The following PSD2 variants were observed in gnomAD, a reference collection of about 807,000 sequenced individuals.
PSD2 encodes the protein pleckstrin and Sec7 domain containing 2, also known as PH and SEC7 domain-containing protein 2.
In PSD2, 38 loss-of-function variants were observed where a neutral mutation model predicts 69.8. That is an observed-to-expected ratio of 0.54 (90% CI 0.42 to 0.71). The LOEUF (loss-of-function observed/expected upper bound fraction) is 0.71, where lower values mean the gene tolerates loss of function less well. PSD2 is among the 30% of genes least tolerant of loss of function. PSD2 has a pLI of 0.00. For synonymous variants in PSD2, 412 were observed against 423.0 expected, an observed-to-expected ratio of 0.97 and a Z score of 0.32; for missense variants, 943 against 1,014.5, an observed-to-expected ratio of 0.93 and a Z score of 0.96.
chr5:139,759,715 A>G, the PSD2 span, among the ~76,000 whole-genome samples: 4 of 152,218 alleles, frequency 2.6e-5, no homozygotes. Flanking sequence ...GACAATAATC[A>G]TCTGCCCTAA....
the PSD2 span, among the ~76,000 whole-genome samples, chr5:139,752,509 GCA>G: frequency 6.6e-6 from 1 of 152,110 alleles, no homozygotes; most frequent in South Asian, 2.1e-4. Context: ...ACACACAAGT[GCA>G]CACACAGCAC....
chr5:139,833,792 G>T lies in PSD2; in HGVS notation c.1359+1G>T. On this transcript the variant is annotated splice_donor_variant, in intron 8 of 14. Coordinates refer to ENST00000274710, the MANE Select transcript of PSD2 (RefSeq NM_032289.4). LOFTEE classifies it high-confidence loss of function. ...AGACTTTGCCAAAGACCTGCTGAAGGTACTGTCTGCTGAGTGTCCCCATCC... is the reference window on the plus strand; with the variant it reads ...AGACTTTGCCAAAGACCTGCTGAAGTTACTGTCTGCTGAGTGTCCCCATCC... The T allele has an allele frequency of 6.2e-7, 1 of 1,610,902 alleles. No individual in the cohort carries two copies. Among genetic ancestry groups the T allele is most frequent in the Non-Finnish European group, 8.5e-7 (1 of 1,177,090 alleles).
upstream of PSD2, among the ~76,000 whole-genome samples, chr5:139,792,430 CT>C (rs1236701015): frequency 1.3e-5 from 2 of 152,166 alleles, no homozygotes; most frequent in Admixed American, 6.5e-5. Context: ...CTGGCCCCCC[CT>C]CCCCCCATAA....
chr5:139,774,296 G>A, the PSD2 span, among the ~76,000 whole-genome samples: 1 of 152,154 alleles, frequency 6.6e-6, no homozygotes, highest in South Asian at 2.1e-4. Flanking sequence ...AGCAGCCAGT[G>A]GTGGATCTGG....
the PSD2 span, among the ~76,000 whole-genome samples, chr5:139,766,970 T>TTTC: frequency 7.0e-6 from 1 of 142,720 alleles, no homozygotes; most frequent in Non-Finnish European, 1.5e-5. Context: ...TCTTTCTTTC[T>TTTC]TTCTTTCTTT....
Position 139,844,339 on chromosome 5 carries a change from T to C in PSD2, c.*1865T>C, listed in dbSNP as rs1760947243. The C allele has an allele frequency of 6.6e-6, 1 of 152,248 alleles. No homozygotes were observed. The allele number at this position is 152,248 out of a possible 1,614,324, so 9.4% of individuals were successfully genotyped here. On this transcript the variant is annotated 3_prime_UTR_variant, in exon 15 of 15. Coordinates refer to ENST00000274710, the MANE Select transcript of PSD2 (RefSeq NM_032289.4). ...AATGTTTAGTTCACTTCCTTAATTGTATAATTATTTATTTGTAAATTATAT... is the reference window on the plus strand; with the variant it reads ...AATGTTTAGTTCACTTCCTTAATTGCATAATTATTTATTTGTAAATTATAT...
intron 1 of PSD2, among the ~76,000 whole-genome samples, chr5:139,797,257 G>A (rs1759555246): frequency 6.6e-6 from 1 of 152,238 alleles, no homozygotes; most frequent in Admixed American, 6.5e-5. Flanking sequence ...GGGCTTTTGA[G>A]TGGGGCTACT....
In PSD2 at chr5:139,842,343, A is replaced by G; in HGVS notation, c.2185A>G (p.Ile729Val). ...IKVGSDDLER[I>V]EARLATLEGD... ...AGTGGGCTCAGATGATCTGGAGCGG[A>G]TTGAGGCCCGGCTGGCCACTCTGGA... is the stretch of plus-strand genomic sequence containing the variant. The change falls in exon 15 of 15, where the codon ATT (isoleucine) becomes GTT (valine). Residue 729 changes from isoleucine to valine, a missense_variant. Ile to Val is a conservative substitution (Grantham distance 29). Coordinates refer to ENST00000274710, the MANE Select transcript of PSD2 (RefSeq NM_032289.4). The G allele has an allele frequency of 6.2e-7, 1 of 1,614,172 alleles. No homozygotes were observed. Among genetic ancestry groups the G allele is most frequent in the Non-Finnish European group, 8.5e-7 (1 of 1,180,030 alleles).
the PSD2 span, among the ~76,000 whole-genome samples, chr5:139,770,246 G>A: frequency 6.6e-6 from 1 of 152,140 alleles, no homozygotes; most frequent in African/African-American, 2.4e-5. Flanking sequence ...GCAAGAAGAA[G>A]GCAATTGTGT....
Position 139,814,053 on chromosome 5 carries a change from T to C in PSD2, c.822-117T>C. On this transcript the variant is annotated intron_variant, in intron 3 of 14. Transcript: ENST00000274710. The surrounding 1 kb of genome is among the most constrained non-coding windows in gnomAD (Gnocchi z 4.4). ...TTCCCTCCGGCTGCAGTGGAGCTTC[T>C]TTCCCTGTTCTGGCCCCTACATGGT... The C allele has an allele frequency of 2.0e-6, 2 of 977,632 alleles. No homozygotes were observed. Among genetic ancestry groups the C allele is most frequent in the Middle Eastern group, 5.8e-4 (2 of 3,426 alleles). 60.6% of individuals were successfully genotyped at this position (977,632 alleles called of 1,614,324 possible). A position where few individuals can be genotyped will look rare whatever the true frequency, so the allele number is the denominator to read the frequency against.
chr5:139,751,376 G>C, the PSD2 span, among the ~76,000 whole-genome samples: 1 of 152,098 alleles, frequency 6.6e-6, no homozygotes, highest in Non-Finnish European at 1.5e-5. Context: ...CTGTGTGCTG[G>C]CCCTAGGGGC....
At chr5:139,763,072 G>A in the PSD2 span, among the ~76,000 whole-genome samples, 3 of 152,166 alleles carry the variant, frequency 2.0e-5, no homozygotes, top group Non-Finnish European at 4.4e-5. Context: ...GTGAGGGGGA[G>A]GTTAGGGGCC....
chr5:139,781,886 G>A, the PSD2 span, among the ~76,000 whole-genome samples: 3 of 152,070 alleles, frequency 2.0e-5, no homozygotes, highest in South Asian at 2.1e-4. Context: ...CGCCCACCTC[G>A]GCCTCCCAAA....
chr5:139,818,738 C>T (rs529166667), intron 5 of PSD2, among the ~76,000 whole-genome samples: 44 of 152,176 alleles, frequency 2.9e-4, no homozygotes, highest in African/African-American at 8.7e-4. Context: ...CAGACCTTGG[C>T]GATCACCTTG....
the PSD2 span, among the ~76,000 whole-genome samples, chr5:139,763,030 C>T: frequency 3.9e-5 from 6 of 151,968 alleles, no homozygotes; most frequent in Admixed American, 2.6e-4. Context: ...CCTGAATCCA[C>T]GGAAGGAAAA....
the PSD2 span, among the ~76,000 whole-genome samples, chr5:139,780,834 T>C: frequency 6.4e-3 from 980 of 152,354 alleles, 13 homozygotes; most frequent in African/African-American, 0.023. Context: ...ACATGCGCCA[T>C]GTCCAGACCC....
chr5:139,760,394 G>C, the PSD2 span, among the ~76,000 whole-genome samples: 1 of 152,126 alleles, frequency 6.6e-6, no homozygotes, highest in African/African-American at 2.4e-5. Flanking sequence ...GCTCACGGGG[G>C]ACCCACAGGT....
rs1366952681 is a variant in PSD2, at chr5:139,842,254, G to A, written c.2113-17G>A. 2.5e-6 allele frequency: 4 copies of A among 1,611,456 alleles called. No individual in the cohort carries two copies. In the South Asian group the frequency reaches 3.3e-5, roughly 13 times the overall value. On this transcript the variant is annotated splice_polypyrimidine_tract_variant and intron_variant, in intron 14 of 14. Coordinates refer to ENST00000274710, the MANE Select transcript of PSD2 (RefSeq NM_032289.4). ...CTATTTTGTTGTCTTTTGACCTTGT[G>A]TTTGGCCTTTCCCCAGAAAAGCCGT... is the stretch of plus-strand genomic sequence containing the variant.
chr5:139,776,387 T>A, the PSD2 span, among the ~76,000 whole-genome samples: 1 of 152,170 alleles, frequency 6.6e-6, no homozygotes, highest in African/African-American at 2.4e-5. Context: ...GCTGAGAACA[T>A]TGAGCAGAAG....
Sources: allele counts gnomAD v4.1 joint callset (sites outside exome capture counted in the v4.1 genomes callset), GRCh38; gene constraint gnomAD v4.1.1; non-coding constraint Gnocchi (gnomAD v3.1); transcripts MANE v1.5; gene names NCBI Gene and HGNC (gene_info 2026-07-23, HGNC 2026-07-21).